Variants in CHMP1A observed in about 807,000 individuals in gnomAD.
CHMP1A encodes VPS46 homolog A.
A neutral mutation model predicts 27.0 loss-of-function variants in CHMP1A; 17 were observed. The observed-to-expected ratio is 0.63, with a 90% CI of 0.43 to 0.95. CHMP1A has a LOEUF of 0.95. CHMP1A is among the 40% of genes least tolerant of loss of function. The pLI is 0.00. For synonymous variants in CHMP1A, 131 were observed against 107.5 expected (o/e 1.22, Z -1.35); for missense variants, 275 against 264.0 (o/e 1.04, Z -0.29).
rs1188500920 is a variant in CHMP1A at position 89,647,287 on chromosome 16, G to T, written c.297C>A (p.Ala99=). 1 of 1,612,048 alleles carries T rather than the reference G, an allele frequency of 6.2e-7. No homozygotes were observed. Among genetic ancestry groups the T allele is most frequent in the Non-Finnish European group, 8.5e-7 (1 of 1,179,188 alleles). ...CCTTCTGCAGGTCCATGGTGCTCAGGGCCTTGTCCAGGGCTTTGGTCACCT... is the reference window on the plus strand; with the variant it reads ...CCTTCTGCAGGTCCATGGTGCTCAGTGCCTTGTCCAGGGCTTTGGTCACCT... ...MAQVTKALDK[A]LSTMDLQKVS... The change falls in exon 5 of 7, where the codon GCC becomes GCA. Residue 99 remains alanine (A), a synonymous_variant. Transcript: ENST00000397901.
At chr16:89,650,989 A>G (rs467357) in intron 3 of CHMP1A, among the ~76,000 whole-genome samples, 48,345 of 152,120 alleles carry the variant, frequency 0.32, 10,000 homozygotes, top group Middle Eastern at 0.61. Context: ...GGGCAGGGAC[A>G]GAAACCATTC....
At chr16:89,653,781 G>T in intron 2 of CHMP1A, 123 bp downstream of exon 2, 1 of 998,140 alleles carries the variant, frequency 1.0e-6, no homozygotes, top group Non-Finnish European at 1.6e-6. Flanking sequence ...TCTGAGCCCT[G>T]TGTGGCGGTC....
In CHMP1A at chr16:89,646,705, C is replaced by T. The variant is rs769998223; in HGVS notation, c.391G>A (p.Asp131Asn). The T allele has an allele frequency of 1.5e-5, 24 of 1,608,470 alleles. No homozygotes were observed. The East Asian group carries it at 1.6e-4, about 10-fold the overall frequency. ...NLDVHTSVMEDSMSSATTLTT... is the reference protein window; with the variant it reads ...NLDVHTSVMENSMSSATTLTT... Reference sequence around the variant, plus strand: ...AGGGTGGTGGCCGAGCTCATGGAGTCCTCCATCACCTGGGGGCAGGGGCAT... The same window carrying T: ...AGGGTGGTGGCCGAGCTCATGGAGTTCTCCATCACCTGGGGGCAGGGGCAT... Residue 131 changes from aspartate (D) to asparagine (N), a missense_variant, in exon 6 of 7, where the codon GAC becomes AAC. Asp to Asn is a conservative substitution (Grantham distance 23). Coordinates refer to ENST00000397901, the MANE Select transcript of CHMP1A (RefSeq NM_002768.5).
rs1164924418 is a variant in CHMP1A, at chr16:89,648,565, C to A, written c.252+786G>T. On this transcript the variant is annotated intron_variant, in intron 4 of 6. Transcript: ENST00000397901. ...GCAGATGAGCCTGGCCATGCAGGCT[C>A]TGCCTCTTGTGGGAGTTGCCAAGAC... is the stretch of plus-strand genomic sequence containing the variant. Among the ~76,000 whole-genome samples the A allele has an allele frequency of 2.0e-5, 3 of 152,300 alleles. No homozygotes were observed. The East Asian group carries it at 5.8e-4, about 29-fold the overall frequency.
intron 3 of CHMP1A, among the ~76,000 whole-genome samples, chr16:89,650,574 G>A (rs2059816502): frequency 6.6e-6 from 1 of 152,208 alleles, no homozygotes; most frequent in African/African-American, 2.4e-5. Context: ...GGGAGGCTGA[G>A]GCAGGTGGAT....
chr16:89,647,657 G>A (rs559005423), intron 4 of CHMP1A, among the ~76,000 whole-genome samples: 2 of 41,762 alleles, frequency 4.8e-5, no homozygotes, highest in South Asian at 7.5e-4. Context: ...GGGACCCAGC[G>A]CGGGGTCGGT....
intron 3 of CHMP1A, among the ~76,000 whole-genome samples, chr16:89,649,750 G>C (rs2059809726): frequency 6.6e-6 from 1 of 152,060 alleles, no homozygotes; most frequent in Admixed American, 6.5e-5. Flanking sequence ...TAATTTTTTT[G>C]TATTTTTAGT....
chr16:89,647,191 G>A lies in CHMP1A; in HGVS notation c.381+12C>T. The A allele has an allele frequency of 1.2e-6, 2 of 1,607,718 alleles. No homozygotes were observed. Among genetic ancestry groups the A allele is most frequent in the Non-Finnish European group, 1.7e-6 (2 of 1,177,926 alleles). ...TCCCCAGGCCACAGCCCCAAGGGTAGGGGCCACATACCGATGTATGGACGT... is the reference window on the plus strand; with the variant it reads ...TCCCCAGGCCACAGCCCCAAGGGTAAGGGCCACATACCGATGTATGGACGT... On this transcript the variant is annotated intron_variant, in intron 5 of 6. Transcript: ENST00000397901.
rs1172918183 is a variant in CHMP1A at position 89,649,606 on chromosome 16, T to C, written c.106-109A>G. The C allele has an allele frequency of 3.7e-6, 5 of 1,352,626 alleles. No homozygotes were observed. In the African/African-American group the frequency reaches 4.4e-5, roughly 12 times the overall value. 83.8% of individuals were successfully genotyped at this position (1,352,626 alleles called of 1,614,324 possible). A position where few individuals can be genotyped will look rare whatever the true frequency, so the allele number is the denominator to read the frequency against. On this transcript the variant is annotated intron_variant, in intron 3 of 6. Transcript: ENST00000397901. Reference sequence around the variant, plus strand: ...TTTTGTTTTGTTTGAGACGGAGTCTTGCTCTGTTGCCCAGGCTGGAGTGCA... The same window carrying C: ...TTTTGTTTTGTTTGAGACGGAGTCTCGCTCTGTTGCCCAGGCTGGAGTGCA...
chr16:89,647,102 T>C (rs2151511641), intron 5 of CHMP1A, 101 bp downstream of exon 5: 3 of 1,541,828 alleles, frequency 1.9e-6, no homozygotes, highest in Non-Finnish European at 2.6e-6. Flanking sequence ...ACCACAGGTA[T>C]GCAGAGACAG....
intron 4 of CHMP1A, chr16:89,649,039 A>T (rs563429734): frequency 3.4e-4 from 58 of 170,454 alleles, no homozygotes; most frequent in African/African-American, 4.5e-4. Flanking sequence ...ATATATATTT[A>T]AAAAAAAAAA....
chr16:89,654,154 C>T (rs1418413913), intron 1 of CHMP1A, among the ~76,000 whole-genome samples: 1 of 152,218 alleles, frequency 6.6e-6, no homozygotes. Flanking sequence ...CAGACCCTCC[C>T]TCCCTGTTTC....
Position 89,645,025 on chromosome 16 carries a change from G to C in CHMP1A, c.*1041C>G, listed in dbSNP as rs2059762922. ...CAAGAGCTGCTGGTGACTCTCCAGGGCCACAATGGCAGGTTTTCCTCACAG... is the reference window on the plus strand; with the variant it reads ...CAAGAGCTGCTGGTGACTCTCCAGGCCCACAATGGCAGGTTTTCCTCACAG... On this transcript the variant is annotated 3_prime_UTR_variant, in exon 7 of 7. Transcript: ENST00000397901. The C allele has an allele frequency of 1.3e-5, 2 of 152,430 alleles. No homozygotes were observed. The highest frequency in any genetic ancestry group is 6.5e-5 in the Admixed American group (1 of 15,290). The allele number at this position is 152,430 out of a possible 1,614,324, so 9.4% of individuals were successfully genotyped here.
Position 89,649,372 on chromosome 16 carries a change from C to A in CHMP1A, c.231G>T (p.Gln77His). 1 of 1,613,530 alleles carries A rather than the reference C, an allele frequency of 6.2e-7. No individual in the cohort carries two copies. Among genetic ancestry groups the A allele is most frequent in the Non-Finnish European group, 8.5e-7 (1 of 1,179,702 alleles). ...TCACCCCCTTCATAGTCACAGCTGTCTGCACCTTGGAGGCCACTGCGTCTA... is the reference window on the plus strand; with the variant it reads ...TCACCCCCTTCATAGTCACAGCTGTATGCACCTTGGAGGCCACTGCGTCTA... Reference protein sequence around the residue: ...SRVDAVASKVQTAVTMKGVTK... With the variant: ...SRVDAVASKVHTAVTMKGVTK... The change falls in exon 4 of 7, where the codon CAG becomes CAT. Residue 77 changes from glutamine (Q) to histidine (H), a missense_variant. Coordinates refer to ENST00000397901, the MANE Select transcript of CHMP1A (RefSeq NM_002768.5).
chr16:89,653,675 T>C (rs943901506), intron 2 of CHMP1A, among the ~76,000 whole-genome samples: 6 of 149,418 alleles, frequency 4.0e-5, no homozygotes, highest in Non-Finnish European at 8.9e-5. Flanking sequence ...ATGGCTTTCA[T>C]GGATGACCCT....
chr16:89,657,540 G>A, intron 1 of CHMP1A, 42 bp downstream of exon 1: 6 of 1,607,916 alleles, frequency 3.7e-6, no homozygotes, highest in Middle Eastern at 1.7e-4. Context: ...AAGCGGCCCC[G>A]CCCCGCGCGC....
At chr16:89,651,188 G>T (rs940681550) in intron 3 of CHMP1A, among the ~76,000 whole-genome samples, 16 of 152,212 alleles carry the variant, frequency 1.1e-4, no homozygotes, top group Admixed American at 9.2e-4. Context: ...GACCGGCCTG[G>T]CCAACATGGC....
intron 4 of CHMP1A, among the ~76,000 whole-genome samples, chr16:89,648,710 G>A (rs533226702): frequency 8.1e-4 from 104 of 127,970 alleles, no homozygotes; most frequent in Middle Eastern, 3.8e-3. Context: ...GGCCAACATA[G>A]ACACCCTGTC....
chr16:89,649,004 G>A (rs1307062319), intron 4 of CHMP1A, among the ~76,000 whole-genome samples: 1 of 151,602 alleles, frequency 6.6e-6, no homozygotes, highest in Non-Finnish European at 1.5e-5. Context: ...CAGCCTGGGT[G>A]ACAGAGCAAG....
Sources: allele counts gnomAD v4.1 joint callset (sites outside exome capture counted in the v4.1 genomes callset), GRCh38; gene constraint gnomAD v4.1.1; transcripts MANE v1.5; gene names NCBI Gene and HGNC (gene_info 2026-07-23, HGNC 2026-07-21).